PDGFD: variants seen among roughly 807,000 people sequenced by gnomAD.
PDGFD encodes the protein platelet derived growth factor D.
In PDGFD, 30 loss-of-function variants were observed where a neutral mutation model predicts 44.7. The ratio of observed to expected loss-of-function variants is 0.67; its 90% confidence interval spans 0.50 to 0.91. PDGFD has a LOEUF of 0.91. PDGFD is among the 40% of genes least tolerant of loss of function. The pLI is 0.00. For missense variants in PDGFD, 445 were observed against 457.8 expected, an observed-to-expected ratio of 0.97 and a Z score of 0.25; for synonymous variants, 173 against 168.4, an observed-to-expected ratio of 1.03 and a Z score of -0.21.
intron 3 of PDGFD, among the ~76,000 whole-genome samples, chr11:103,991,106 T>A (rs1442716119): frequency 2.0e-5 from 3 of 150,920 alleles, no homozygotes; most frequent in Non-Finnish European, 4.4e-5. Flanking sequence ...ACCACTGCAC[T>A]CCAGCCTAGG....
intron 1 of PDGFD, among the ~76,000 whole-genome samples, chr11:104,121,720 G>A (rs894410025): frequency 1.3e-5 from 2 of 152,022 alleles, no homozygotes; most frequent in African/African-American, 2.4e-5. Context: ...AGTTTACGGT[G>A]CATCACTGGT....
chr11:103,992,551 G>C (rs997608088), intron 3 of PDGFD, among the ~76,000 whole-genome samples: 3 of 152,078 alleles, frequency 2.0e-5, no homozygotes, highest in Non-Finnish European at 4.4e-5. Flanking sequence ...ATTCCTAATG[G>C]GTGAATCCTG....
intron 6 of PDGFD, among the ~76,000 whole-genome samples, chr11:103,910,388 C>T (rs1198564348): frequency 1.3e-5 from 2 of 152,308 alleles, no homozygotes; most frequent in South Asian, 2.1e-4. Flanking sequence ...CCATTCCCAA[C>T]TGAGGTACCC....
chr11:104,077,184 T>G (rs2134425636), intron 1 of PDGFD, among the ~76,000 whole-genome samples: 1 of 152,150 alleles, frequency 6.6e-6, no homozygotes, highest in East Asian at 1.9e-4. Flanking sequence ...GAGAAAAATT[T>G]TTAAGAAAGG....
At chr11:104,085,989 A>G (rs762653182) in intron 1 of PDGFD, among the ~76,000 whole-genome samples, 16 of 152,154 alleles carry the variant, frequency 1.1e-4, no homozygotes, top group Non-Finnish European at 2.1e-4. Context: ...TTGGATTTTA[A>G]GGGGAAGGAA....
At chr11:104,012,356 TA>T (rs1488139431) in intron 1 of PDGFD, among the ~76,000 whole-genome samples, 2 of 152,202 alleles carry the variant, frequency 1.3e-5, no homozygotes, top group Non-Finnish European at 2.9e-5. Flanking sequence ...TGATTCAATG[TA>T]AAAAAGGCTT....
chr11:104,154,269 A>G (rs1008859485), intron 1 of PDGFD, among the ~76,000 whole-genome samples: 3 of 152,148 alleles, frequency 2.0e-5, no homozygotes, highest in African/African-American at 7.2e-5. Flanking sequence ...AACACAAAAC[A>G]TGCTTTTTAA....
chr11:103,963,777 G>T (rs1000142276), intron 3 of PDGFD, among the ~76,000 whole-genome samples: 1 of 151,984 alleles, frequency 6.6e-6, no homozygotes, highest in African/African-American at 2.4e-5. Context: ...TAGAAATAAA[G>T]AAATTTAAAG....
intron 1 of PDGFD, among the ~76,000 whole-genome samples, chr11:104,146,801 T>C (rs1266910019): frequency 3.3e-5 from 5 of 152,024 alleles, no homozygotes; most frequent in Non-Finnish European, 7.4e-5. Context: ...AGTACCTCTA[T>C]ATATCAGGTA....
At position 103,927,067 on chromosome 11, in the gene PDGFD, AG is replaced by A; in HGVS notation, c.831del (p.Ser278ArgfsTer4). On this transcript the variant is annotated frameshift_variant, in exon 6 of 7. Coordinates refer to ENST00000393158, the MANE Select transcript of PDGFD (RefSeq NM_025208.5). LOFTEE classifies it high-confidence loss of function. ...TTCAGCTCTTCTCTTATATTGACCGAGTAATTCCTGGGAGTGCAACTGTAAC... is the reference window on the plus strand; with the variant it reads ...TTCAGCTCTTCTCTTATATTGACCGATAATTCCTGGGAGTGCAACTGTAAC... The part of the protein sequence containing the change: ...AKRYSCTPRN[Y>X]SVNIREELKL... The A allele has an allele frequency of 6.2e-7, 1 of 1,614,212 alleles. No homozygotes were observed. The highest frequency in any genetic ancestry group is 8.5e-7 in the Non-Finnish European group (1 of 1,180,030).
chr11:104,144,961 T>G (rs1862142719), intron 1 of PDGFD, among the ~76,000 whole-genome samples: 1 of 152,218 alleles, frequency 6.6e-6, no homozygotes, highest in African/African-American at 2.4e-5. Flanking sequence ...CTTTTACTAT[T>G]TAAAGTATAC....
At chr11:104,091,998 T>G (rs887254812) in intron 1 of PDGFD, among the ~76,000 whole-genome samples, 3 of 152,188 alleles carry the variant, frequency 2.0e-5, no homozygotes, top group African/African-American at 7.2e-5. Context: ...TTTCTACACA[T>G]GATCCCACGT....
intron 6 of PDGFD, among the ~76,000 whole-genome samples, chr11:103,918,257 G>A (rs1360896567): frequency 6.6e-6 from 1 of 152,138 alleles, no homozygotes; most frequent in Non-Finnish European, 1.5e-5. Context: ...ACTTACAATA[G>A]GTACCTTGGA....
chr11:104,001,530 C>G (rs978924478), intron 1 of PDGFD, among the ~76,000 whole-genome samples: 2 of 152,186 alleles, frequency 1.3e-5, no homozygotes, highest in East Asian at 3.8e-4. Flanking sequence ...CCCAAACTTG[C>G]AGCTGATGTC....
intron 6 of PDGFD, among the ~76,000 whole-genome samples, chr11:103,913,298 A>G (rs1246636488): frequency 6.6e-6 from 1 of 152,200 alleles, no homozygotes. Context: ...CCTAACAAAC[A>G]GTCTCTCAGA....
intron 3 of PDGFD, among the ~76,000 whole-genome samples, chr11:103,976,574 G>A (rs903106745): frequency 1.3e-5 from 2 of 152,110 alleles, no homozygotes; most frequent in Non-Finnish European, 2.9e-5. Flanking sequence ...TGTTGAACAG[G>A]AGTGGTAAGA....
At chr11:103,993,370 C>A (rs866226039) in intron 3 of PDGFD, among the ~76,000 whole-genome samples, 1 of 151,672 alleles carries the variant, frequency 6.6e-6, no homozygotes, top group African/African-American at 2.4e-5. Flanking sequence ...AGCCACCACA[C>A]TCGGCCACGA....
chr11:103,958,084 A>T (rs1166499716), intron 3 of PDGFD, among the ~76,000 whole-genome samples: 4 of 152,110 alleles, frequency 2.6e-5, no homozygotes, highest in African/African-American at 9.7e-5. Context: ...ATTATTTTGC[A>T]GTAACGCCTG....
At chr11:104,118,579 A>C (rs1258727829) in intron 1 of PDGFD, among the ~76,000 whole-genome samples, 1 of 150,760 alleles carries the variant, frequency 6.6e-6, no homozygotes, top group East Asian at 1.9e-4. Context: ...AAAAAGGAGT[A>C]GTGAGAGGGG....
Sources: allele counts gnomAD v4.1 joint callset (sites outside exome capture counted in the v4.1 genomes callset), GRCh38; gene constraint gnomAD v4.1.1; transcripts MANE v1.5; gene names NCBI Gene and HGNC (gene_info 2026-07-23, HGNC 2026-07-21).